The following LIMCH1 variants were observed in gnomAD, a reference collection of about 807,000 sequenced individuals.
LIMCH1 encodes LIM and calponin homology domains 1, also known as LIM and calponin homology domains-containing protein 1.
A neutral mutation model predicts 176.5 loss-of-function variants in LIMCH1; 113 were observed. The ratio of observed to expected loss-of-function variants is 0.64; its 90% CI spans 0.55 to 0.75. The LOEUF (loss-of-function observed/expected upper bound fraction) is 0.75, where lower values mean the gene tolerates loss of function less well. LIMCH1 is among the 30% of genes least tolerant of loss of function. LIMCH1 has a pLI of 0.00. For synonymous variants in LIMCH1, 619 were observed against 645.9 expected (o/e 0.96, Z 0.63); for missense variants, 1,674 against 1,814.9 (o/e 0.92, Z 1.41).
chr4:41,464,610 G>A (rs949081330), intron 1 of LIMCH1, among the ~76,000 whole-genome samples: 2 of 151,872 alleles, frequency 1.3e-5, no homozygotes, highest in Admixed American at 6.6e-5. Context: ...TCCTGACCTC[G>A]TGATCTGCCC....
Position 41,633,064 on chromosome 4 carries a change from C to G in LIMCH1, c.1808C>G (p.Ser603Ter). ...DSERLSKAERSEDSSQPLVCP... is the reference protein window; with the variant it reads ...DSERLSKAER ...GAGAGGCTGTCAAAGGCAGAAAGAT[C>G]AGAGGACAGCAGCCAGCCACTGTGA... The change falls in exon 12 of 32, where the codon TCA becomes TGA. Residue 603 changes from serine to a stop codon, truncating the protein, a stop_gained. Coordinates refer to ENST00000503057, the MANE Select transcript of LIMCH1 (RefSeq NM_001330672.2). LOFTEE classifies it high-confidence loss of function. 2 of 1,535,324 alleles carry G rather than the reference C, an allele frequency of 1.3e-6. No homozygotes were observed. The highest frequency in any genetic ancestry group is 4.9e-5 in the East Asian group (2 of 40,912).
At chr4:41,515,092 T>A (rs1583365943) in intron 2 of LIMCH1, among the ~76,000 whole-genome samples, 1 of 152,268 alleles carries the variant, frequency 6.6e-6, no homozygotes, top group African/African-American at 2.4e-5. Flanking sequence ...GACTCCCCTT[T>A]CTCTGTAGCT....
Position 41,692,371 on chromosome 4 carries a change from C to T in LIMCH1, c.4365C>T (p.Tyr1455=). Reference sequence around the variant, plus strand: ...GTCTCCTGAACTGTAATGATTGCTACATGCGATCCAGAAGTAAGTACTGGG... The same window carrying T: ...GTCTCCTGAACTGTAATGATTGCTATATGCGATCCAGAAGTAAGTACTGGG... The part of the protein sequence containing the change: ...RNGLLNCNDC[Y]MRSRSAGQPT... Residue 1455 remains tyrosine (Y), a synonymous_variant, in exon 31 of 32, where the codon TAC becomes TAT. Transcript: ENST00000503057. 2 of 1,606,222 alleles carry T rather than the reference C, an allele frequency of 1.2e-6. No individual in the cohort carries two copies. Among genetic ancestry groups the T allele is most frequent in the South Asian group, 2.2e-5 (2 of 90,954 alleles).
chr4:41,608,388 A>G (rs941219816), intron 4 of LIMCH1, among the ~76,000 whole-genome samples: 5 of 152,260 alleles, frequency 3.3e-5, no homozygotes, highest in Non-Finnish European at 5.9e-5. Flanking sequence ...ACTTTATTTC[A>G]GCTAAAAACT....
intron 1 of LIMCH1, among the ~76,000 whole-genome samples, chr4:41,590,732 C>T (rs2152719916): frequency 6.6e-6 from 1 of 152,308 alleles, no homozygotes; most frequent in African/African-American, 2.4e-5. Flanking sequence ...TTCCCCCAGG[C>T]AGAATGAGTT....
At chr4:41,553,734 G>A (rs1196279858) in intron 1 of LIMCH1, among the ~76,000 whole-genome samples, 1 of 152,114 alleles carries the variant, frequency 6.6e-6, no homozygotes, top group Non-Finnish European at 1.5e-5. Context: ...CGCTGGTGGT[G>A]ACCTCTGATG....
intron 8 of LIMCH1, among the ~76,000 whole-genome samples, chr4:41,628,009 C>T (rs1407779979): frequency 6.6e-6 from 1 of 152,122 alleles, no homozygotes; most frequent in East Asian, 1.9e-4. Context: ...TACAAAAACC[C>T]ATGAGGGATT....
At chr4:41,612,872 AC>A in intron 4 of LIMCH1, 1 of 1,301,008 alleles carries the variant, frequency 7.7e-7, no homozygotes, top group Non-Finnish European at 9.9e-7. Context: ...TTTTTTTTTA[AC>A]TTTTGCCTCA....
intron 8 of LIMCH1, 46 bp from the exon 9 acceptor site, chr4:41,629,446 G>T: frequency 6.5e-7 from 1 of 1,529,628 alleles, no homozygotes; most frequent in South Asian, 1.2e-5. Flanking sequence ...CCCCTTCCTT[G>T]AACTTGATTT....
At chr4:41,413,287 GGC>G (rs1231564274) in intron 1 of LIMCH1, among the ~76,000 whole-genome samples, 1 of 149,074 alleles carries the variant, frequency 6.7e-6, no homozygotes, top group Non-Finnish European at 1.5e-5. Context: ...GTTACCTTAT[GGC>G]CAAATGGTTT....
At chr4:41,648,471 A>G (rs79544914) in intron 17 of LIMCH1, among the ~76,000 whole-genome samples, 3,304 of 152,084 alleles carry the variant, frequency 0.022, 56 homozygotes, top group Middle Eastern at 0.038. Context: ...GCTGGAGATT[A>G]CTCCTCATCA....
intron 29 of LIMCH1, among the ~76,000 whole-genome samples, chr4:41,688,617 T>A (rs1403803947): frequency 6.6e-6 from 1 of 152,196 alleles, no homozygotes; most frequent in Non-Finnish European, 1.5e-5. Context: ...CTTGTGTAAT[T>A]CCAAGAGTTT....
chr4:41,586,668 G>A (rs927283841), intron 1 of LIMCH1, among the ~76,000 whole-genome samples: 25 of 152,320 alleles, frequency 1.6e-4, no homozygotes, highest in South Asian at 2.1e-4. Flanking sequence ...TAATGCATAT[G>A]TTGGGTTTTA....
At chr4:41,550,828 G>A (rs913362039) in intron 1 of LIMCH1, among the ~76,000 whole-genome samples, 2 of 152,080 alleles carry the variant, frequency 1.3e-5, no homozygotes, top group African/African-American at 4.8e-5. Flanking sequence ...ATAGTTGGGG[G>A]AAAAAGTAAA....
intron 1 of LIMCH1, among the ~76,000 whole-genome samples, chr4:41,414,940 C>A (rs759856081): frequency 1.2e-4 from 19 of 152,082 alleles, no homozygotes; most frequent in Non-Finnish European, 7.4e-5. Flanking sequence ...TAGTTTGAGT[C>A]CAGGTCTTTC....
At chr4:41,653,743 G>A (rs1174799225) in intron 18 of LIMCH1, among the ~76,000 whole-genome samples, 1 of 152,248 alleles carries the variant, frequency 6.6e-6, no homozygotes, top group Non-Finnish European at 1.5e-5. Flanking sequence ...GTCAGCATCT[G>A]GGCCCGGGAC....
rs1348296018 is a variant in LIMCH1 at position 41,698,252 on chromosome 4, G to C, written c.*1067G>C. Reference sequence around the variant, plus strand: ...TGGTATATGATGTGGTCAGCCCCTGGTCTGTGATCAGCAAGAACCTACAGC... The same window carrying C: ...TGGTATATGATGTGGTCAGCCCCTGCTCTGTGATCAGCAAGAACCTACAGC... On this transcript the variant is annotated 3_prime_UTR_variant, in exon 32 of 32. Transcript: ENST00000503057. 3 of 152,342 alleles carry C rather than the reference G, an allele frequency of 2.0e-5. No homozygotes were observed. The highest frequency in any genetic ancestry group is 3.9e-4 in the East Asian group (2 of 5,176). 9.4% of individuals were successfully genotyped at this position (152,342 alleles called of 1,614,324 possible). A position where few individuals can be genotyped will look rare whatever the true frequency, so the allele number is the denominator to read the frequency against.
intron 1 of LIMCH1, among the ~76,000 whole-genome samples, chr4:41,380,405 C>G (rs2055476091): frequency 6.6e-6 from 1 of 152,082 alleles, no homozygotes; most frequent in Non-Finnish European, 1.5e-5. Context: ...CCCTGGCCTC[C>G]CAAAGTGCTG....
At chr4:41,606,885 G>T (rs966101870) in intron 4 of LIMCH1, among the ~76,000 whole-genome samples, 7 of 152,122 alleles carry the variant, frequency 4.6e-5, no homozygotes, top group African/African-American at 1.7e-4. Context: ...TGCAACGTCC[G>T]CCTCCCAGAT....
Sources: gnomAD v4.1 joint callset for allele counts (sites outside exome capture counted in the v4.1 genomes callset) on GRCh38, gnomAD v4.1.1 for gene constraint, MANE v1.5 for transcripts, NCBI Gene and HGNC (gene_info 2026-07-23, HGNC 2026-07-21) for gene names.